Variants in USH2A observed in about 807,000 individuals in gnomAD.
The protein encoded by USH2A is usherin, also known as Usher syndrome 2A (autosomal recessive, mild).
In USH2A, 443 loss-of-function variants were observed where a neutral mutation model predicts 538.9. The observed-to-expected ratio is 0.82, with a 90% CI of 0.76 to 0.89. The LOEUF (loss-of-function observed/expected upper bound fraction) is 0.89, where lower values mean the gene tolerates loss of function less well. Among genes scored for constraint, USH2A ranks in the 40% least tolerant of loss-of-function variants. USH2A has a pLI of 0.00. For synonymous variants in USH2A, 2,413 were observed against 2,273.5 expected (o/e 1.06, Z -1.75); for missense variants, 6,633 against 6,324.8 (o/e 1.05, Z -1.65).
At chr1:216,401,195 C>T (rs2039298194) in intron 3 of USH2A, among the ~76,000 whole-genome samples, 1 of 152,020 alleles carries the variant, frequency 6.6e-6, no homozygotes, top group Non-Finnish European at 1.5e-5. Context: ...AATAAAAGTA[C>T]ACTTTAATGG....
In USH2A at chr1:216,050,765, C is replaced by T. The variant is rs528115818; in HGVS notation, c.6050-2118G>A. ...GACTACAGGCGCCCGCCACCACGCC[C>T]GGCTAATTTTTTTGTATTTTTAGTA... On this transcript the variant is annotated intron_variant, in intron 30 of 71. Coordinates refer to ENST00000307340, the MANE Select transcript of USH2A (RefSeq NM_206933.4). Among the ~76,000 whole-genome samples the T allele has an allele frequency of 3.3e-3, 502 of 151,000 alleles. 4 individuals carry two copies. The highest frequency in any genetic ancestry group is 0.012 in the African/African-American group (479 of 41,212).
At chr1:216,073,540 T>C (rs557603080) in intron 27 of USH2A, among the ~76,000 whole-genome samples, 11 of 152,316 alleles carry the variant, frequency 7.2e-5, no homozygotes, top group African/African-American at 2.4e-4. Flanking sequence ...AATTTAACTT[T>C]TGGTACTGAA....
intron 58 of USH2A, among the ~76,000 whole-genome samples, chr1:215,755,765 C>A (rs1405353616): frequency 1.3e-5 from 2 of 152,062 alleles, no homozygotes; most frequent in Non-Finnish European, 2.9e-5. Flanking sequence ...CCAGAATGAA[C>A]AATTTATACA....
At chr1:216,397,448 A>C (rs2039229883) in intron 3 of USH2A, among the ~76,000 whole-genome samples, 1 of 152,202 alleles carries the variant, frequency 6.6e-6, no homozygotes, top group Admixed American at 6.5e-5. Context: ...ATTGACATAT[A>C]AGCCAGTGGA....
At chr1:216,080,592 G>A (rs946876979) in intron 26 of USH2A, among the ~76,000 whole-genome samples, 1 of 151,904 alleles carries the variant, frequency 6.6e-6, no homozygotes, top group African/African-American at 2.4e-5. Flanking sequence ...TGAAGGTAAG[G>A]AAAAGTACAG....
At chr1:215,891,043 A>G (rs943549772) in intron 40 of USH2A, among the ~76,000 whole-genome samples, 10 of 152,206 alleles carry the variant, frequency 6.6e-5, no homozygotes, top group Admixed American at 6.5e-5. Context: ...AAAAGAAACA[A>G]CAATGATGCA....
Position 215,625,835 on chromosome 1 carries a change from C to T in USH2A, c.15555G>A (p.Lys5185=), listed in dbSNP as rs185499779. Residue 5185 remains lysine (K), a synonymous_variant, in exon 72 of 72, where the codon AAG becomes AAA. Coordinates refer to ENST00000307340, the MANE Select transcript of USH2A (RefSeq NM_206933.4). ...GTTCCTTAGTCACTGAGCTGAAATC[C>T]TTGATGGCGTTCATCAGGTCCTCTT... The part of the protein sequence containing the change: ...VDEEDLMNAI[K]DFSSVTKERT... The T allele has an allele frequency of 2.8e-5, 46 of 1,614,064 alleles. No individual in the cohort carries two copies. Among genetic ancestry groups the T allele is most frequent in the Non-Finnish European group, 3.6e-5 (42 of 1,179,976 alleles).
At chr1:215,843,996 G>A (rs952699986) in intron 46 of USH2A, among the ~76,000 whole-genome samples, 4 of 152,142 alleles carry the variant, frequency 2.6e-5, no homozygotes, top group Admixed American at 1.3e-4. Flanking sequence ...CTGGGAAAAG[G>A]TAAGCTGCTC....
At chr1:216,410,300 A>G (rs2102771944) in intron 3 of USH2A, among the ~76,000 whole-genome samples, 1 of 152,282 alleles carries the variant, frequency 6.6e-6, no homozygotes, top group South Asian at 2.1e-4. Flanking sequence ...ACAATTCCTC[A>G]AAGACCAAAA....
intron 64 of USH2A, among the ~76,000 whole-genome samples, chr1:215,657,643 T>C (rs1657302204): frequency 3.9e-5 from 6 of 152,176 alleles, no homozygotes; most frequent in Admixed American, 3.9e-4. Flanking sequence ...ACACTTTGGA[T>C]TAGGCAAGAT....
At chr1:215,934,162 C>T (rs1345531100) in intron 38 of USH2A, among the ~76,000 whole-genome samples, 8 of 151,946 alleles carry the variant, frequency 5.3e-5, no homozygotes, top group Non-Finnish European at 1.0e-4. Flanking sequence ...CTGCACCCTG[C>T]CCTTTTTGCC....
chr1:215,961,153 T>C (rs1448357596), intron 37 of USH2A, among the ~76,000 whole-genome samples: 2 of 151,956 alleles, frequency 1.3e-5, no homozygotes, highest in African/African-American at 4.8e-5. Context: ...GATCATCTAA[T>C]AGATATAAAC....
chr1:216,030,386 C>T (rs1174144606), intron 32 of USH2A, among the ~76,000 whole-genome samples: 1 of 134,486 alleles, frequency 7.4e-6, no homozygotes, highest in Non-Finnish European at 1.5e-5. Context: ...TATAGATATA[C>T]ATCACAGATA....
At chr1:216,294,055 C>A (rs1292806937) in intron 9 of USH2A, among the ~76,000 whole-genome samples, 2 of 152,062 alleles carry the variant, frequency 1.3e-5, no homozygotes, top group East Asian at 3.8e-4. Flanking sequence ...ACAAAATTTA[C>A]TCAAATTATG....
intron 43 of USH2A, among the ~76,000 whole-genome samples, chr1:215,868,588 G>T (rs1664542901): frequency 2.0e-5 from 3 of 152,098 alleles, no homozygotes; most frequent in Non-Finnish European, 4.4e-5. Flanking sequence ...ATATTTTCAA[G>T]CCCAAGCCCC....
chr1:216,142,693 TGA>T (rs2033624305), intron 21 of USH2A, among the ~76,000 whole-genome samples: 1 of 152,238 alleles, frequency 6.6e-6, no homozygotes, highest in African/African-American at 2.4e-5. Flanking sequence ...TTTTGAAATA[TGA>T]TAACATTTAA....
intron 32 of USH2A, among the ~76,000 whole-genome samples, chr1:216,023,658 A>G (rs550080714): frequency 1.3e-5 from 2 of 152,086 alleles, no homozygotes; most frequent in East Asian, 3.9e-4. Flanking sequence ...ATCTGAATTT[A>G]GGACTGCTTG....
intron 4 of USH2A, among the ~76,000 whole-genome samples, chr1:216,347,211 G>A (rs1271876240): frequency 1.3e-5 from 2 of 152,058 alleles, no homozygotes; most frequent in African/African-American, 2.4e-5. Context: ...ACTATGCAAA[G>A]AGGTTGTTTC....
chr1:215,736,383 A>G (rs912446649), intron 60 of USH2A, among the ~76,000 whole-genome samples: 3 of 152,162 alleles, frequency 2.0e-5, no homozygotes, highest in Non-Finnish European at 4.4e-5. Context: ...CACAAGTGAA[A>G]CAGAATACAA....
Sources: allele counts gnomAD v4.1 joint callset (sites outside exome capture counted in the v4.1 genomes callset), GRCh38; gene constraint gnomAD v4.1.1; transcripts MANE v1.5; gene names NCBI Gene and HGNC (gene_info 2026-07-23, HGNC 2026-07-21).